Variants in TMEM182 observed in about 807,000 individuals in gnomAD.
TMEM182 encodes transmembrane protein 182.
In TMEM182, 20 loss-of-function variants were observed where a neutral mutation model predicts 26.8. The observed-to-expected ratio is 0.75, with a 90% CI of 0.53 to 1.09. The LOEUF is 1.09. Among genes scored for constraint, TMEM182 ranks in the 50% least tolerant of loss-of-function variants. The pLI is 0.00. For missense variants in TMEM182, 277 were observed against 275.5 expected, an observed-to-expected ratio of 1.01 and a Z score of -0.04; for synonymous variants, 109 against 102.2, an observed-to-expected ratio of 1.07 and a Z score of -0.40.
At chr2:102,764,497 T>G in intron 3 of TMEM182, 70 bp downstream of exon 3, 1 of 1,311,680 alleles carries the variant, frequency 7.6e-7, no homozygotes, top group Non-Finnish European at 1.1e-6. Flanking sequence ...CAGATCAAAA[T>G]TGTTGTGAGC....
At chr2:102,740,796 C>G (rs1254179372) in intron 1 of TMEM182, among the ~76,000 whole-genome samples, 1 of 152,068 alleles carries the variant, frequency 6.6e-6, no homozygotes, top group African/African-American at 2.4e-5. Flanking sequence ...TGTAATAACC[C>G]CACAATGGAA....
At chr2:102,755,532 A>G (rs1212731858) in intron 1 of TMEM182, among the ~76,000 whole-genome samples, 61 of 152,214 alleles carry the variant, frequency 4.0e-4, no homozygotes, top group Admixed American at 4.0e-3. Flanking sequence ...TAGTCACTGT[A>G]TCCACCCAGG....
chr2:102,827,708 C>A (rs1573577030), intron 3 of TMEM182, among the ~76,000 whole-genome samples: 1 of 152,178 alleles, frequency 6.6e-6, no homozygotes, highest in Non-Finnish European at 1.5e-5. Context: ...TTGTTAACCT[C>A]GCCTTCATTA....
upstream of TMEM182, among the ~76,000 whole-genome samples, chr2:102,759,898 T>C (rs1194256185): frequency 6.6e-6 from 1 of 152,220 alleles, no homozygotes; most frequent in African/African-American, 2.4e-5. Flanking sequence ...TTTCTCTCTC[T>C]GGCCACTCCG....
rs929175795 is a variant in TMEM182, at chr2:102,817,628, A to G, written c.*2660A>G. Reference sequence around the variant, plus strand: ...ATTTTTATTACTAATCTATAAATATATTTATTAAATTTGAAGATTAAATGG... The same window carrying G: ...ATTTTTATTACTAATCTATAAATATGTTTATTAAATTTGAAGATTAAATGG... On this transcript the variant is annotated 3_prime_UTR_variant, in exon 5 of 5. Coordinates refer to ENST00000412401, the MANE Select transcript of TMEM182 (RefSeq NM_144632.5). 6.2e-6 allele frequency: 6 copies of G among 974,796 alleles called. No homozygotes were observed. The African/African-American group carries it at 1.1e-4, about 17-fold the overall frequency. The allele number at this position is 974,796 out of a possible 1,614,324, so 60.4% of individuals were successfully genotyped here.
intron 3 of TMEM182, among the ~76,000 whole-genome samples, chr2:102,789,817 AG>A (rs1392589660): frequency 2.7e-5 from 2 of 74,538 alleles, no homozygotes; most frequent in East Asian, 8.7e-4. Context: ...CCACTTTTCC[AG>A]GTTCCCCATT....
At chr2:102,798,543 T>A (rs1348069709) in intron 4 of TMEM182, among the ~76,000 whole-genome samples, 1 of 152,200 alleles carries the variant, frequency 6.6e-6, no homozygotes, top group Non-Finnish European at 1.5e-5. Flanking sequence ...TTCATTTTCT[T>A]AATTGTTTGT....
chr2:102,744,850 G>A (rs890884387), intron 1 of TMEM182, among the ~76,000 whole-genome samples: 1 of 152,036 alleles, frequency 6.6e-6, no homozygotes, highest in African/African-American at 2.4e-5. Context: ...TTGACTTTCA[G>A]CATTTTGAAT....
chr2:102,762,780 G>C, intron 2 of TMEM182, 94 bp downstream of exon 2: 1 of 1,005,142 alleles, frequency 9.9e-7, no homozygotes, highest in Non-Finnish European at 1.4e-6. Flanking sequence ...GGACTGGATT[G>C]TGAGTTACAA....
In TMEM182 at chr2:102,773,249, G is replaced by T. The variant is rs143031541; in HGVS notation, c.331+8822G>T. 6.0e-3 allele frequency among the ~76,000 whole-genome samples: 913 copies of T among 152,120 alleles called. 10 individuals carry two copies. The highest frequency in any genetic ancestry group is 9.2e-3 in the Non-Finnish European group (626 of 67,982). ...CTGCCCTCAGGGGGCTGACATTTGG[G>T]TGAGGGGAATCAGATGAAGCAACAT... is the stretch of plus-strand genomic sequence containing the variant. On this transcript the variant is annotated intron_variant, in intron 3 of 4. Transcript: ENST00000412401.
intron 3 of TMEM182, among the ~76,000 whole-genome samples, chr2:102,787,373 G>C (rs767788352): frequency 6.6e-5 from 10 of 152,208 alleles, no homozygotes; most frequent in Non-Finnish European, 1.3e-4. Flanking sequence ...CTGGCAGAAA[G>C]AGAATGAACT....
At chr2:102,769,285 T>C (rs1217156545) in intron 3 of TMEM182, among the ~76,000 whole-genome samples, 1 of 152,026 alleles carries the variant, frequency 6.6e-6, no homozygotes, top group African/African-American at 2.4e-5. Flanking sequence ...GGTGGGACAG[T>C]AAAAATGAAA....
intron 3 of TMEM182, among the ~76,000 whole-genome samples, chr2:102,776,510 G>T (rs1169641833): frequency 6.6e-6 from 1 of 151,936 alleles, no homozygotes. Flanking sequence ...TTTCTTTATT[G>T]TGATAAATAA....
intron 3 of TMEM182, 90 bp from the exon 4 acceptor site, chr2:102,797,773 A>G (rs1681929614): frequency 6.8e-7 from 1 of 1,474,076 alleles, no homozygotes; most frequent in South Asian, 1.4e-5. Flanking sequence ...TAGAAAAATG[A>G]AGATGAAAGC....
chr2:102,798,782 A>G (rs112029518), intron 4 of TMEM182, among the ~76,000 whole-genome samples: 3 of 152,276 alleles, frequency 2.0e-5, no homozygotes, highest in African/African-American at 7.2e-5. Context: ...CGGAGGTTGC[A>G]TTGAGCGAGA....
upstream of TMEM182, chr2:102,758,268 A>G: frequency 2.0e-6 from 1 of 509,966 alleles, no homozygotes. Context: ...CCTATGTCTC[A>G]GTTTGTAAAT....
Position 102,817,070 on chromosome 2 carries a change from C to T in TMEM182, c.*2102C>T. ...GCATCAATCAAATACATTTCAAGCA[C>T]ATTTCTTGATCAATTTACCAGCAAC... On this transcript the variant is annotated 3_prime_UTR_variant, in exon 5 of 5. Coordinates refer to ENST00000412401, the MANE Select transcript of TMEM182 (RefSeq NM_144632.5). The T allele has an allele frequency of 6.1e-6, 6 of 985,430 alleles. No homozygotes were observed. The highest frequency in any genetic ancestry group is 7.2e-6 in the Non-Finnish European group (6 of 829,920). 61.0% of individuals were successfully genotyped at this position (985,430 alleles called of 1,614,324 possible).
chr2:102,802,768 G>T (rs145210640), intron 4 of TMEM182, among the ~76,000 whole-genome samples: 3 of 152,220 alleles, frequency 2.0e-5, no homozygotes, highest in Non-Finnish European at 4.4e-5. Context: ...GGACATCTAC[G>T]TGTGTGAAAT....
In TMEM182 at chr2:102,815,477, T is replaced by C; in HGVS notation, c.*509T>C. ...AAATGAATTTAAAAATAGACAGCAG[T>C]TGTTCTAATTAGTGGGAGCCATGTA... On this transcript the variant is annotated 3_prime_UTR_variant, in exon 5 of 5. Coordinates refer to ENST00000412401, the MANE Select transcript of TMEM182 (RefSeq NM_144632.5). The C allele has an allele frequency of 1.0e-6, 1 of 988,264 alleles. No homozygotes were observed. The highest frequency in any genetic ancestry group is 1.2e-6 in the Non-Finnish European group (1 of 832,010). The allele number at this position is 988,264 out of a possible 1,614,324, so 61.2% of individuals were successfully genotyped here.
Sources: gnomAD v4.1 joint callset for allele counts (sites outside exome capture counted in the v4.1 genomes callset) on GRCh38, gnomAD v4.1.1 for gene constraint, MANE v1.5 for transcripts, NCBI Gene and HGNC (gene_info 2026-07-23, HGNC 2026-07-21) for gene names.